Variants in LMBRD1 observed in about 807,000 individuals in gnomAD.
LMBRD1 encodes the protein lysosomal cobalamin transport escort protein LMBD1.
LMBRD1 carries 64 observed loss-of-function variants against 74.8 expected under a neutral mutation model. The ratio of observed to expected loss-of-function variants is 0.86; its 90% confidence interval spans 0.70 to 1.05. The LOEUF is 1.05. Ranked by LOEUF, LMBRD1 falls within the 50% of genes least tolerant of loss-of-function variation. LMBRD1 has a pLI of 0.00. For missense variants in LMBRD1, 652 were observed against 645.9 expected, an observed-to-expected ratio of 1.01 and a Z score of -0.10; for synonymous variants, 204 against 216.3, an observed-to-expected ratio of 0.94 and a Z score of 0.50.
Position 69,796,603 on chromosome 6 carries a change from T to C in LMBRD1, c.69+210A>G, listed in dbSNP as rs3752787. On this transcript the variant is annotated intron_variant, in intron 1 of 15. Transcript: ENST00000649934. ...ACCCTGCAACCCTAGACGTCATCGG[T>C]GAAATGACAGCAAAAGAGACCGGAA... is the stretch of plus-strand genomic sequence containing the variant. Among the ~76,000 whole-genome samples, 54,811 of 151,690 alleles carry C rather than the reference T, an allele frequency of 0.36. 10,493 individuals carry two copies. Among genetic ancestry groups the C allele is most frequent in the East Asian group, 0.54 (2,796 of 5,140 alleles).
At chr6:69,792,879 C>A (rs1307546564) in intron 1 of LMBRD1, among the ~76,000 whole-genome samples, 1 of 152,142 alleles carries the variant, frequency 6.6e-6, no homozygotes, top group Admixed American at 6.5e-5. Context: ...GAAACGGCAA[C>A]CAGGCAGAAG....
At position 69,706,153 on chromosome 6, in the gene LMBRD1, T is replaced by G. The variant is rs1175317506; in HGVS notation, c.916-4200A>C. 5.7e-6 allele frequency: 3 copies of G among 525,680 alleles called. No homozygotes were observed. The African/African-American group carries it at 5.7e-5, about 10-fold the overall frequency. The allele number at this position is 525,680 out of a possible 1,614,324, so 32.6% of individuals were successfully genotyped here. ...GGGGTTTATGTCCATGTCCATCAAA[T>G]CTTCCATCAGGTGGCAGCACACACT... On this transcript the variant is annotated intron_variant, in intron 9 of 15. Coordinates refer to ENST00000649934, the MANE Select transcript of LMBRD1 (RefSeq NM_018368.4).
chr6:69,793,651 G>A (rs1428882000), intron 1 of LMBRD1, among the ~76,000 whole-genome samples: 1 of 150,430 alleles, frequency 6.6e-6, no homozygotes, highest in East Asian at 2.0e-4. Flanking sequence ...TTCCTTATGT[G>A]TGAAGAAACT....
intron 3 of LMBRD1, 53 bp from the exon 4 acceptor site, chr6:69,752,409 A>T (rs1019926631): frequency 2.2e-6 from 3 of 1,369,118 alleles, no homozygotes; most frequent in Non-Finnish European, 3.1e-6. Context: ...GTACTTAATC[A>T]TGGTTATCTA....
At chr6:69,739,421 T>C (rs1435072422) in intron 6 of LMBRD1, among the ~76,000 whole-genome samples, 1 of 152,148 alleles carries the variant, frequency 6.6e-6, no homozygotes, top group African/African-American at 2.4e-5. Flanking sequence ...ATCTTTATGA[T>C]ATAATAAATA....
chr6:69,724,155 G>A (rs1410931108), intron 7 of LMBRD1, among the ~76,000 whole-genome samples: 2 of 151,618 alleles, frequency 1.3e-5, no homozygotes, highest in Non-Finnish European at 2.9e-5. Context: ...CGAGTAACAA[G>A]ATCAAAACTG....
At chr6:69,740,951 G>A (rs1189222906) in intron 6 of LMBRD1, among the ~76,000 whole-genome samples, 1 of 151,934 alleles carries the variant, frequency 6.6e-6, no homozygotes, top group Non-Finnish European at 1.5e-5. Flanking sequence ...AGGTCACACA[G>A]AGTAAGTTAA....
rs1192026052 is a variant in LMBRD1 at position 69,700,820 on chromosome 6, ATAAAG to A, written c.1128_1132del (p.Ile378TyrfsTer17). ...TCGAATTCCTGCCATTGAAGTAAAAATAAAGTACATAATAATAATTGTTATAAGAA... is the reference window on the plus strand; with the variant it reads ...TCGAATTCCTGCCATTGAAGTAAAAATACATAATAATAATTGTTATAAGAA... On this transcript the variant is annotated frameshift_variant, in exon 12 of 16. Transcript: ENST00000649934. LOFTEE classifies it high-confidence loss of function. 2 of 1,495,894 alleles carry A rather than the reference ATAAAG, an allele frequency of 1.3e-6. No homozygotes were observed. The highest frequency in any genetic ancestry group is 2.8e-5 in the African/African-American group (2 of 70,506). The allele number at this position is 1,495,894 out of a possible 1,614,324, so 92.7% of individuals were successfully genotyped here.
rs1489554965 is a variant in LMBRD1 at position 69,674,137 on chromosome 6, C to A, written c.*2021G>T. On this transcript the variant is annotated 3_prime_UTR_variant, in exon 16 of 16. Coordinates refer to ENST00000649934, the MANE Select transcript of LMBRD1 (RefSeq NM_018368.4). Reference sequence around the variant, plus strand: ...CTTGCAGACCACTGCCTTCTCATTGCATCCTCACATGGCCTCTTCTTTGTA... The same window carrying A: ...CTTGCAGACCACTGCCTTCTCATTGAATCCTCACATGGCCTCTTCTTTGTA... 6.6e-6 allele frequency among the ~76,000 whole-genome samples: 1 copy of A among 152,196 alleles called. No individual in the cohort carries two copies. Among genetic ancestry groups the A allele is most frequent in the Non-Finnish European group, 1.5e-5 (1 of 68,032 alleles).
rs757172535 is a variant in LMBRD1 at position 69,700,872 on chromosome 6, G to GAA, written c.1084-5_1084-4dup. On this transcript the variant is annotated splice_polypyrimidine_tract_variant and splice_region_variant and intron_variant, in intron 11 of 15. Transcript: ENST00000649934. ...AGAATATAATCAAGAGGGAAAACCT[G>GAA]AAAAAAAAAGATGAAATTAAATTTA... is the stretch of plus-strand genomic sequence containing the variant. 1.2e-5 allele frequency: 16 copies of GAA among 1,308,022 alleles called. No individual in the cohort carries two copies. The highest frequency in any genetic ancestry group is 2.1e-4 in the Middle Eastern group (1 of 4,828). The allele number at this position is 1,308,022 out of a possible 1,614,324, so 81.0% of individuals were successfully genotyped here. A position where few individuals can be genotyped will look rare whatever the true frequency, so the allele number is the denominator to read the frequency against.
intron 9 of LMBRD1, among the ~76,000 whole-genome samples, chr6:69,710,009 A>G (rs570265949): frequency 1.3e-5 from 2 of 152,346 alleles, no homozygotes; most frequent in East Asian, 3.9e-4. Context: ...GGAATTATAA[A>G]TTGATTCTTA....
At chr6:69,695,294 T>C (rs1403473470) in intron 14 of LMBRD1, among the ~76,000 whole-genome samples, 2 of 152,174 alleles carry the variant, frequency 1.3e-5, no homozygotes, top group East Asian at 1.9e-4. Flanking sequence ...CTTCATGGAA[T>C]TAATTTTTAT....
At chr6:69,765,145 G>A (rs913944300) in intron 3 of LMBRD1, among the ~76,000 whole-genome samples, 1 of 151,908 alleles carries the variant, frequency 6.6e-6, no homozygotes, top group African/African-American at 2.4e-5. Flanking sequence ...TGGCCAGGCT[G>A]GTCTTGAACT....
At chr6:69,786,412 T>C (rs985387761) in intron 2 of LMBRD1, among the ~76,000 whole-genome samples, 3 of 151,950 alleles carry the variant, frequency 2.0e-5, no homozygotes, top group Admixed American at 2.0e-4. Context: ...ATGACATACC[T>C]TAATATTAAC....
At chr6:69,712,282 T>C (rs1766399640) in intron 9 of LMBRD1, among the ~76,000 whole-genome samples, 1 of 152,278 alleles carries the variant, frequency 6.6e-6, no homozygotes, top group Non-Finnish European at 1.5e-5. Flanking sequence ...TTCTAGGTAA[T>C]TAGGTTTAAG....
At chr6:69,722,813 C>T (rs183900774) in intron 7 of LMBRD1, among the ~76,000 whole-genome samples, 2 of 152,122 alleles carry the variant, frequency 1.3e-5, no homozygotes, top group East Asian at 3.9e-4. Flanking sequence ...ATATAAATAA[C>T]AAAATGGCAG....
At chr6:69,709,190 C>T (rs1237100568) in intron 9 of LMBRD1, among the ~76,000 whole-genome samples, 10 of 151,570 alleles carry the variant, frequency 6.6e-5, no homozygotes, top group Admixed American at 3.9e-4. Context: ...GCCGAGATTG[C>T]GCCATTGGAC....
chr6:69,705,984 G>A (rs1335482872), intron 9 of LMBRD1: 12 of 856,952 alleles, frequency 1.4e-5, no homozygotes, highest in East Asian at 2.5e-5. Context: ...CTGCTTCAAC[G>A]ATGTGTAATT....
At chr6:69,784,870 C>A (rs531897813) in intron 2 of LMBRD1, among the ~76,000 whole-genome samples, 21 of 152,258 alleles carry the variant, frequency 1.4e-4, no homozygotes, top group Non-Finnish European at 2.6e-4. Flanking sequence ...CTAAAGTATA[C>A]AAATTCTAGT....
Sources: gnomAD v4.1 joint callset for allele counts (sites outside exome capture counted in the v4.1 genomes callset) on GRCh38, gnomAD v4.1.1 for gene constraint, MANE v1.5 for transcripts, NCBI Gene and HGNC (gene_info 2026-07-23, HGNC 2026-07-21) for gene names.